The following FHAD1 variants were observed in gnomAD, a reference collection of about 807,000 sequenced individuals.
The protein encoded by FHAD1 is forkhead-associated domain-containing protein 1.
Under a neutral mutation model 191.3 loss-of-function variants are expected in FHAD1, and 146 were observed. The ratio of observed to expected loss-of-function variants is 0.76; its 90% CI spans 0.67 to 0.88. FHAD1 has a LOEUF of 0.88. Ranked by LOEUF, FHAD1 falls within the 40% of genes least tolerant of loss-of-function variation. FHAD1 has a pLI of 0.00. For synonymous variants in FHAD1, 616 were observed against 672.3 expected (o/e 0.92, Z 1.29); for missense variants, 1,635 against 1,785.8 (o/e 0.92, Z 1.52).
chr1:15,271,240 G>A (rs1352024045), intron 2 of FHAD1, among the ~76,000 whole-genome samples: 1 of 151,996 alleles, frequency 6.6e-6, no homozygotes, highest in Non-Finnish European at 1.5e-5. Flanking sequence ...TTGAACCCAG[G>A]AGGTGGAGGC....
At chr1:15,304,688 C>A (rs955397562) in intron 6 of FHAD1, among the ~76,000 whole-genome samples, 4 of 152,140 alleles carry the variant, frequency 2.6e-5, no homozygotes, top group African/African-American at 9.7e-5. Flanking sequence ...AAGTGGAGAC[C>A]TGCGCAAGTA....
At chr1:15,317,036 A>T (rs1674669929) in intron 9 of FHAD1, among the ~76,000 whole-genome samples, 1 of 152,096 alleles carries the variant, frequency 6.6e-6, no homozygotes. Flanking sequence ...AATACAAAAA[A>T]ATTAGCTGGG....
intron 28 of FHAD1, among the ~76,000 whole-genome samples, chr1:15,379,488 G>A (rs1700407553): frequency 6.6e-6 from 1 of 152,192 alleles, no homozygotes; most frequent in African/African-American, 2.4e-5. Context: ...ACGGGCAGGA[G>A]ACAGATGCCT....
intron 10 of FHAD1, among the ~76,000 whole-genome samples, chr1:15,323,374 G>A (rs1482876101): frequency 4.6e-5 from 7 of 152,202 alleles, no homozygotes; most frequent in Non-Finnish European, 1.0e-4. Context: ...AAAAACGTCC[G>A]CCGAAACAGA....
intron 33 of FHAD1, among the ~76,000 whole-genome samples, chr1:15,391,544 G>C (rs1351986701): frequency 6.6e-6 from 1 of 152,126 alleles, no homozygotes; most frequent in Non-Finnish European, 1.5e-5. Context: ...TTGAATCATT[G>C]CCATTCACAA....
chr1:15,367,538 G>A lies in FHAD1; in HGVS notation c.3230G>A (p.Ser1077Asn). 1.3e-6 allele frequency: 2 copies of A among 1,549,320 alleles called. No individual in the cohort carries two copies. Among genetic ancestry groups the A allele is most frequent in the African/African-American group, 1.4e-5 (1 of 72,816 alleles). ...VLVQQQSKEL[S>N]VLKEKMAQMS... ...GTCCAGCAGCAGAGCAAGGAGCTGA[G>A]TGTGCTCAAGGAGAAGATGGCCCAG... Residue 1077 changes from serine (S) to asparagine (N), a missense_variant, in exon 25 of 34, where the codon AGT (serine) becomes AAT (asparagine). Coordinates refer to ENST00000688493, the MANE Select transcript of FHAD1 (RefSeq NM_001391957.1).
At chr1:15,384,000 G>A in intron 31 of FHAD1, 1 of 198,712 alleles carries the variant, frequency 5.0e-6, no homozygotes, top group South Asian at 4.0e-5. Flanking sequence ...ACATTCTCAT[G>A]TGTGTGTGTG....
At chr1:15,398,524 G>A (rs1041313344), downstream of FHAD1, among the ~76,000 whole-genome samples, 2 of 152,064 alleles carry the variant, frequency 1.3e-5, no homozygotes, top group African/African-American at 4.8e-5. Flanking sequence ...CAAGAGTTGA[G>A]TCTTGAACCC....
intron 3 of FHAD1, among the ~76,000 whole-genome samples, chr1:15,280,048 T>G (rs1363763199): frequency 2.0e-5 from 3 of 152,144 alleles, no homozygotes. Flanking sequence ...GCGTGGCTTG[T>G]TTTTCTCCTC....
At chr1:15,256,706 C>G (rs1038708447) in intron 2 of FHAD1, among the ~76,000 whole-genome samples, 1 of 151,172 alleles carries the variant, frequency 6.6e-6, no homozygotes, top group Admixed American at 6.6e-5. Flanking sequence ...TAGGACCTCA[C>G]CCTGCCCTGC....
chr1:15,359,982 G>A (rs973973983), intron 21 of FHAD1, among the ~76,000 whole-genome samples: 18 of 151,990 alleles, frequency 1.2e-4, no homozygotes, highest in Admixed American at 8.5e-4. Flanking sequence ...GTGTGTTGGC[G>A]CACACCTGTA....
intron 10 of FHAD1, 46 bp from the exon 11 acceptor site, chr1:15,324,406 T>G: frequency 7.1e-7 from 1 of 1,418,048 alleles, no homozygotes. Context: ...CCAGAGTGCA[T>G]TATGATCACA....
chr1:15,399,784 G>T (rs1368256090), downstream of FHAD1, among the ~76,000 whole-genome samples: 1 of 152,134 alleles, frequency 6.6e-6, no homozygotes, highest in African/African-American at 2.4e-5. Flanking sequence ...GAAAAAAGGA[G>T]GCTGGAATAA....
chr1:15,307,145 C>T (rs896867869), intron 6 of FHAD1, among the ~76,000 whole-genome samples: 1 of 152,156 alleles, frequency 6.6e-6, no homozygotes, highest in African/African-American at 2.4e-5. Flanking sequence ...GTCAAAAGAT[C>T]ATTTTGGAGC....
At chr1:15,383,441 G>T in intron 31 of FHAD1, 1 of 348,396 alleles carries the variant, frequency 2.9e-6, no homozygotes. Context: ...CTACACACTG[G>T]AAAGTTTCCC....
At chr1:15,246,207 C>A (rs1053739610), upstream of FHAD1, among the ~76,000 whole-genome samples, 1 of 152,026 alleles carries the variant, frequency 6.6e-6, no homozygotes, top group Admixed American at 6.5e-5. Flanking sequence ...AGAACTCACT[C>A]GCTATCATGA....
intron 4 of FHAD1, among the ~76,000 whole-genome samples, chr1:15,292,955 A>C (rs751745956): frequency 6.6e-6 from 1 of 152,212 alleles, no homozygotes; most frequent in Admixed American, 6.5e-5. Flanking sequence ...AACATTTAAT[A>C]AAGTAAAATT....
At chr1:15,290,908 G>T (rs867375883) in intron 4 of FHAD1, among the ~76,000 whole-genome samples, 2 of 151,834 alleles carry the variant, frequency 1.3e-5, no homozygotes, top group African/African-American at 4.8e-5. Flanking sequence ...TAGAGATGGG[G>T]TTTCACCATG....
At chr1:15,330,235 A>G (rs1456392676) in intron 14 of FHAD1, among the ~76,000 whole-genome samples, 1 of 152,194 alleles carries the variant, frequency 6.6e-6, no homozygotes, top group Non-Finnish European at 1.5e-5. Context: ...CACACTCATA[A>G]ATCATGCTGG....
Sources: gnomAD v4.1 joint callset for allele counts (sites outside exome capture counted in the v4.1 genomes callset) on GRCh38, gnomAD v4.1.1 for gene constraint, MANE v1.5 for transcripts, NCBI Gene and HGNC (gene_info 2026-07-23, HGNC 2026-07-21) for gene names.